HOMER1: variants seen among roughly 807,000 people sequenced by gnomAD.
HOMER1 encodes homer scaffold protein 1.
HOMER1 carries 3 observed loss-of-function variants against 48.9 expected under a neutral mutation model. The ratio of observed to expected loss-of-function variants is 0.06; its 90% CI spans 0.03 to 0.16. The LOEUF is 0.16. Ranked by LOEUF, HOMER1 falls within the 10% of genes least tolerant of loss-of-function variation. The pLI is 1.00. For synonymous variants in HOMER1, 134 were observed against 146.4 expected, an observed-to-expected ratio of 0.92 and a Z score of 0.61; for missense variants, 247 against 411.4, an observed-to-expected ratio of 0.60 and a Z score of 3.46.
chr5:79,428,488 A>C (rs952008572), intron 5 of HOMER1, among the ~76,000 whole-genome samples: 2 of 152,142 alleles, frequency 1.3e-5, no homozygotes, highest in African/African-American at 2.4e-5. Flanking sequence ...ATAGGAAAGG[A>C]GGAAGTAAAC....
chr5:79,510,847 C>G (rs1025645224), intron 1 of HOMER1: 2 of 716,464 alleles, frequency 2.8e-6, no homozygotes, highest in Non-Finnish European at 5.0e-6. Context: ...AGCTTCAGTT[C>G]CAGCTCAGGC....
At chr5:79,444,883 A>G (rs990471516) in intron 4 of HOMER1, among the ~76,000 whole-genome samples, 6 of 152,210 alleles carry the variant, frequency 3.9e-5, no homozygotes, top group African/African-American at 1.4e-4. Flanking sequence ...TAGAGAAGAC[A>G]GATTCAAGAG....
chr5:79,405,400 CAT>C (rs1749638807), intron 5 of HOMER1, among the ~76,000 whole-genome samples: 1 of 152,164 alleles, frequency 6.6e-6, no homozygotes, highest in Admixed American at 6.5e-5. Flanking sequence ...AACTAATAAA[CAT>C]AATTTTTTAA....
intron 1 of HOMER1, among the ~76,000 whole-genome samples, chr5:79,485,620 C>A (rs551277091): frequency 6.6e-6 from 1 of 152,178 alleles, no homozygotes; most frequent in Admixed American, 6.5e-5. Flanking sequence ...CAGGTCATAA[C>A]ACCCATGGAC....
intron 1 of HOMER1, among the ~76,000 whole-genome samples, chr5:79,482,416 A>G (rs568628822): frequency 3.3e-5 from 5 of 152,300 alleles, no homozygotes; most frequent in East Asian, 3.9e-4. Flanking sequence ...TACAGTCTAC[A>G]TGTTCAATAA....
At position 79,373,495 on chromosome 5, in the gene HOMER1, C is replaced by A. The variant is rs958336801; in HGVS notation, c.*2514G>T. 6.6e-6 allele frequency: 1 copy of A among 151,506 alleles called. No homozygotes were observed. The highest frequency in any genetic ancestry group is 2.4e-5 in the African/African-American group (1 of 41,284). 9.4% of individuals were successfully genotyped at this position (151,506 alleles called of 1,614,324 possible). A position where few individuals can be genotyped will look rare whatever the true frequency, so the allele number is the denominator to read the frequency against. On this transcript the variant is annotated 3_prime_UTR_variant, in exon 9 of 9. Coordinates refer to ENST00000334082, the MANE Select transcript of HOMER1 (RefSeq NM_004272.5). ...TATAGATACAGTATATAATACTTGT[C>A]TCTGGGAAAAATCAAATTTTAATAT...
chr5:79,408,095 GA>G (rs937103076), intron 5 of HOMER1, among the ~76,000 whole-genome samples: 1 of 152,040 alleles, frequency 6.6e-6, no homozygotes, highest in African/African-American at 2.4e-5. Context: ...TGTATCTACA[GA>G]AAAAAACATA....
intron 5 of HOMER1, among the ~76,000 whole-genome samples, chr5:79,416,000 T>C (rs555015808): frequency 1.3e-5 from 2 of 152,298 alleles, no homozygotes; most frequent in East Asian, 1.9e-4. Flanking sequence ...CCTATGTAAA[T>C]GTACTCTTGA....
chr5:79,491,063 G>GTAGT (rs1430054497), intron 1 of HOMER1, among the ~76,000 whole-genome samples: 32 of 98,074 alleles, frequency 3.3e-4, no homozygotes, highest in African/African-American at 5.8e-4. Context: ...TTGGCCTTCA[G>GTAGT]TAGTACCAAA....
intron 1 of HOMER1, chr5:79,510,733 C>T: frequency 1.3e-6 from 1 of 780,100 alleles, no homozygotes; most frequent in South Asian, 1.4e-5. Flanking sequence ...CACTGTCCAC[C>T]CCAAGCTTGG....
chr5:79,402,205 G>T, intron 5 of HOMER1, 150 bp from the exon 6 acceptor site: 1 of 645,824 alleles, frequency 1.5e-6, no homozygotes, highest in Non-Finnish European at 2.4e-6. Flanking sequence ...TCGCTCTGTT[G>T]CCCAGGCTGG....
intron 1 of HOMER1, among the ~76,000 whole-genome samples, chr5:79,473,498 A>T (rs1751677837): frequency 6.6e-6 from 1 of 152,236 alleles, no homozygotes; most frequent in Admixed American, 6.5e-5. Flanking sequence ...TATTAATATT[A>T]GAACTCCAAT....
chr5:79,374,692 T>G lies in HOMER1; in HGVS notation c.*1317A>C, dbSNP rs1048712291. On this transcript the variant is annotated 3_prime_UTR_variant, in exon 9 of 9. Transcript: ENST00000334082. ...TGCAATTCCTACTTTATAAGCAGACTAGACAGCACTTGGCTTACTTTTAAA... is the reference window on the plus strand; with the variant it reads ...TGCAATTCCTACTTTATAAGCAGACGAGACAGCACTTGGCTTACTTTTAAA... 6.6e-6 allele frequency: 1 copy of G among 152,068 alleles called. No individual in the cohort carries two copies. The highest frequency in any genetic ancestry group is 1.5e-5 in the Non-Finnish European group (1 of 67,902). The allele number at this position is 152,068 out of a possible 1,614,324, so 9.4% of individuals were successfully genotyped here. A position where few individuals can be genotyped will look rare whatever the true frequency, so the allele number is the denominator to read the frequency against.
intron 1 of HOMER1, among the ~76,000 whole-genome samples, chr5:79,507,755 G>C (rs1248280101): frequency 1.3e-5 from 2 of 151,396 alleles, no homozygotes; most frequent in Non-Finnish European, 2.9e-5. Flanking sequence ...TAGACCTTTT[G>C]GGATATAACC....
chr5:79,408,858 G>T (rs1749739071), intron 5 of HOMER1, among the ~76,000 whole-genome samples: 1 of 151,568 alleles, frequency 6.6e-6, no homozygotes, highest in Non-Finnish European at 1.5e-5. Context: ...CAACATGAGT[G>T]AATCACTTGA....
At chr5:79,493,618 T>C (rs1256959331) in intron 1 of HOMER1, among the ~76,000 whole-genome samples, 1 of 152,234 alleles carries the variant, frequency 6.6e-6, no homozygotes, top group Non-Finnish European at 1.5e-5. Context: ...ATTCATATCC[T>C]TTCCTTCGGT....
chr5:79,377,026 T>TG (rs1748789249), intron 8 of HOMER1, among the ~76,000 whole-genome samples: 1 of 152,148 alleles, frequency 6.6e-6, no homozygotes, highest in Admixed American at 6.5e-5. Flanking sequence ...AGTGCAATGG[T>TG]GCAATCTTGG....
intron 8 of HOMER1, among the ~76,000 whole-genome samples, chr5:79,385,986 T>C (rs1275640625): frequency 6.6e-6 from 1 of 151,784 alleles, no homozygotes; most frequent in Admixed American, 6.6e-5. Context: ...GGTGAGGATA[T>C]AGCGAAAAGG....
intron 1 of HOMER1, among the ~76,000 whole-genome samples, chr5:79,499,175 G>A (rs562150759): frequency 1.3e-5 from 2 of 152,186 alleles, no homozygotes; most frequent in African/African-American, 4.8e-5. Flanking sequence ...TTTCAAGATA[G>A]CGTCTCAAGC....
Sources: gnomAD v4.1 joint callset for allele counts (sites outside exome capture counted in the v4.1 genomes callset) on GRCh38, gnomAD v4.1.1 for gene constraint, MANE v1.5 for transcripts, NCBI Gene and HGNC (gene_info 2026-07-23, HGNC 2026-07-21) for gene names.